DNAJC1: variants seen among roughly 807,000 people sequenced by gnomAD.
DNAJC1 encodes dnaJ homolog subfamily C member 1.
Under a neutral mutation model 76.6 loss-of-function variants are expected in DNAJC1, and 58 were observed. The ratio of observed to expected loss-of-function variants is 0.76; its 90% confidence interval spans 0.61 to 0.94. DNAJC1 has a LOEUF of 0.94. Ranked by LOEUF, DNAJC1 falls within the 40% of genes least tolerant of loss-of-function variation. The pLI is 0.00. For synonymous variants in DNAJC1, 258 were observed against 267.9 expected (o/e 0.96, Z 0.36); for missense variants, 689 against 677.3 (o/e 1.02, Z -0.19).
intron 8 of DNAJC1, among the ~76,000 whole-genome samples, chr10:21,818,532 T>C (rs1489228819): frequency 6.6e-6 from 1 of 152,136 alleles, no homozygotes; most frequent in Non-Finnish European, 1.5e-5. Flanking sequence ...GTATGCTCCC[T>C]CCCCTTTTGA....
At chr10:21,789,449 C>A (rs1022102731) in intron 9 of DNAJC1, among the ~76,000 whole-genome samples, 2 of 151,958 alleles carry the variant, frequency 1.3e-5, no homozygotes, top group Admixed American at 1.3e-4. Context: ...AATACAGGGA[C>A]ACAAGAAATA....
At chr10:21,881,181 CT>C (rs1307131660) in intron 8 of DNAJC1, among the ~76,000 whole-genome samples, 2 of 152,194 alleles carry the variant, frequency 1.3e-5, no homozygotes, top group Admixed American at 6.5e-5. Context: ...CTGGATTAGG[CT>C]TTGGCTCAAG....
chr10:21,912,147 C>T (rs999314510), intron 6 of DNAJC1, among the ~76,000 whole-genome samples: 57 of 151,928 alleles, frequency 3.8e-4, no homozygotes, highest in African/African-American at 1.3e-3. Flanking sequence ...CGACCTGGGG[C>T]GAAATTTATT....
At chr10:21,777,176 A>C (rs2131625180) in intron 9 of DNAJC1, among the ~76,000 whole-genome samples, 1 of 152,326 alleles carries the variant, frequency 6.6e-6, no homozygotes, top group East Asian at 1.9e-4. Context: ...TGTGATTATA[A>C]CTGGTAAATT....
chr10:21,915,595 C>G (rs1028298137), intron 6 of DNAJC1, among the ~76,000 whole-genome samples: 2 of 152,188 alleles, frequency 1.3e-5, no homozygotes, highest in Non-Finnish European at 2.9e-5. Context: ...ACTCTTTTAA[C>G]TTACATGTGC....
intron 8 of DNAJC1, among the ~76,000 whole-genome samples, chr10:21,828,424 A>C (rs1016245783): frequency 6.6e-6 from 1 of 152,246 alleles, no homozygotes; most frequent in African/African-American, 2.4e-5. Context: ...TTTCATGTTC[A>C]TGATTTTTAA....
At chr10:21,984,993 T>C (rs1345369465) in intron 1 of DNAJC1, among the ~76,000 whole-genome samples, 3 of 152,208 alleles carry the variant, frequency 2.0e-5, no homozygotes, top group African/African-American at 4.8e-5. Flanking sequence ...TACAGACTAA[T>C]CTATCAAATA....
intron 7 of DNAJC1, among the ~76,000 whole-genome samples, chr10:21,895,017 AC>A (rs2131734940): frequency 6.6e-6 from 1 of 152,348 alleles, no homozygotes; most frequent in Non-Finnish European, 1.5e-5. Flanking sequence ...ATCATAAATT[AC>A]CCAGTCTCAG....
At chr10:21,998,113 G>T (rs1838447736) in intron 1 of DNAJC1, among the ~76,000 whole-genome samples, 1 of 152,062 alleles carries the variant, frequency 6.6e-6, no homozygotes, top group Non-Finnish European at 1.5e-5. Flanking sequence ...TATAGAGGCT[G>T]GGCGCAGTGG....
At chr10:21,785,298 G>T (rs1834591268) in intron 9 of DNAJC1, 1 of 152,188 alleles carries the variant, frequency 6.6e-6, no homozygotes, top group African/African-American at 2.4e-5. Flanking sequence ...GTGTGCATCA[G>T]ATGTATCTGC....
chr10:21,923,832 A>C (rs1837077060), intron 3 of DNAJC1, among the ~76,000 whole-genome samples: 1 of 151,986 alleles, frequency 6.6e-6, no homozygotes, highest in Non-Finnish European at 1.5e-5. Context: ...CTGAAAAACA[A>C]ATCTAAAATT....
At chr10:21,770,338 T>C (rs75367975) in intron 9 of DNAJC1, among the ~76,000 whole-genome samples, 3,354 of 152,230 alleles carry the variant, frequency 0.022, 67 homozygotes, top group Middle Eastern at 0.065. Flanking sequence ...CCTGTATCCA[T>C]TGCTTATGTG....
intron 9 of DNAJC1, among the ~76,000 whole-genome samples, chr10:21,803,162 A>G (rs1834832855): frequency 6.6e-6 from 1 of 152,136 alleles, no homozygotes; most frequent in Admixed American, 6.6e-5. Flanking sequence ...CAACCCAAAT[A>G]AAGAATCACA....
chr10:21,794,329 GA>G (rs1407281885), intron 9 of DNAJC1, among the ~76,000 whole-genome samples: 1 of 148,150 alleles, frequency 6.7e-6, no homozygotes, highest in Non-Finnish European at 1.5e-5. Context: ...TCTATAAGCT[GA>G]AAAAAATAAT....
intron 7 of DNAJC1, among the ~76,000 whole-genome samples, chr10:21,886,555 T>TA (rs1418477627): frequency 6.6e-5 from 10 of 152,092 alleles, no homozygotes; most frequent in African/African-American, 2.4e-4. Context: ...CATCCTTGAT[T>TA]AACAGTGATG....
At chr10:21,940,283 C>A (rs1333677749) in intron 1 of DNAJC1, among the ~76,000 whole-genome samples, 1 of 152,002 alleles carries the variant, frequency 6.6e-6, no homozygotes, top group Non-Finnish European at 1.5e-5. Flanking sequence ...CTTCTATGGC[C>A]AATATGTTAC....
chr10:21,999,042 A>ATCT (rs1838469700), intron 1 of DNAJC1, among the ~76,000 whole-genome samples: 1 of 152,238 alleles, frequency 6.6e-6, no homozygotes. Flanking sequence ...TAACTGAGTT[A>ATCT]TCTTATACCT....
At chr10:21,847,783 G>T (rs959457986) in intron 8 of DNAJC1, among the ~76,000 whole-genome samples, 3 of 151,948 alleles carry the variant, frequency 2.0e-5, no homozygotes, top group Admixed American at 6.6e-5. Context: ...CTTTTTTCAT[G>T]GTTGAATGAT....
At chr10:21,837,907 G>A (rs1393009105) in intron 8 of DNAJC1, among the ~76,000 whole-genome samples, 5 of 144,944 alleles carry the variant, frequency 3.4e-5, no homozygotes, top group Non-Finnish European at 6.1e-5. Flanking sequence ...CGCCCCGTCC[G>A]GGAGGGAGGT....
Sources: gnomAD v4.1 joint callset for allele counts (sites outside exome capture counted in the v4.1 genomes callset) on GRCh38, gnomAD v4.1.1 for gene constraint, MANE v1.5 for transcripts, NCBI Gene and HGNC (gene_info 2026-07-23, HGNC 2026-07-21) for gene names.